Variants in ZNF600 observed in about 807,000 individuals in gnomAD.
The protein encoded by ZNF600 is zinc finger protein KR-ZNF1.
A neutral mutation model predicts 7.3 loss-of-function variants in ZNF600; 4 were observed. The observed-to-expected ratio is 0.55, with a 90% confidence interval of 0.27 to 1.25. ZNF600 has a LOEUF of 1.25. Ranked by LOEUF, ZNF600 falls within the 50% of genes most tolerant of loss-of-function variation. ZNF600 has a pLI of 0.12. For missense variants in ZNF600, 911 were observed against 922.1 expected (o/e 0.99, Z 0.16); for synonymous variants, 290 against 308.9 (o/e 0.94, Z 0.64).
chr19:52,820,467 A>G, the ZNF600 span, among the ~76,000 whole-genome samples: 5 of 151,602 alleles, frequency 3.3e-5, no homozygotes, highest in Non-Finnish European at 4.4e-5. Flanking sequence ...ATCGTCCTCA[A>G]TCTCCATAGA....
At chr19:52,777,233 A>C (rs575089115) in intron 2 of ZNF600, among the ~76,000 whole-genome samples, 3 of 152,074 alleles carry the variant, frequency 2.0e-5, no homozygotes, top group African/African-American at 4.8e-5. Context: ...AAAAAATTAA[A>C]CAGGCGAGGC....
At chr19:52,825,426 G>C in the ZNF600 span, among the ~76,000 whole-genome samples, 1 of 152,040 alleles carries the variant, frequency 6.6e-6, no homozygotes, top group Non-Finnish European at 1.5e-5. Context: ...TGTAATCCCA[G>C]TACTTGGGAG....
intron 3 of ZNF600, among the ~76,000 whole-genome samples, chr19:52,771,502 C>A (rs2062629976): frequency 6.6e-6 from 1 of 151,872 alleles, no homozygotes; most frequent in Admixed American, 6.6e-5. Flanking sequence ...GAAACAGAGT[C>A]TCACTCTGTC....
chr19:52,801,642 G>A, the ZNF600 span: 12 of 1,613,388 alleles, frequency 7.4e-6, no homozygotes, highest in East Asian at 2.2e-5. Flanking sequence ...TGTGTGGAAC[G>A]CTTCTGTATT....
the ZNF600 span, chr19:52,807,951 C>T: frequency 6.2e-7 from 1 of 1,609,340 alleles, no homozygotes; most frequent in Non-Finnish European, 8.5e-7. Flanking sequence ...TCCCAAGAGG[C>T]AACAAGAGAA....
At chr19:52,767,632 G>A (rs2062598075) in exon 4 of ZNF600, 1 of 1,613,986 alleles carries the variant, frequency 6.2e-7, no homozygotes, top group Non-Finnish European at 8.5e-7. Flanking sequence ...TCAATATCAT[G>A]AATTTCTTTC....
intron 1 of ZNF600, among the ~76,000 whole-genome samples, chr19:52,782,600 G>A (rs1405522478): frequency 6.6e-6 from 1 of 152,110 alleles, no homozygotes; most frequent in African/African-American, 2.4e-5. Context: ...GAGGCCCAGT[G>A]TGATGGCTCA....
the ZNF600 span, chr19:52,800,015 A>G: frequency 6.8e-6 from 11 of 1,614,136 alleles, no homozygotes; most frequent in Non-Finnish European, 9.3e-6. Context: ...TGCCACACTC[A>G]TTACACTTGT....
chr19:52,831,798 C>A, the ZNF600 span, among the ~76,000 whole-genome samples: 1 of 152,004 alleles, frequency 6.6e-6, no homozygotes, highest in African/African-American at 2.4e-5. Flanking sequence ...GCCACTGCTC[C>A]CATCCTAAAT....
the ZNF600 span, among the ~76,000 whole-genome samples, chr19:52,793,277 A>T: frequency 0.12 from 18,307 of 152,132 alleles, 2,161 homozygotes; most frequent in African/African-American, 0.3. Flanking sequence ...TGTCATCAGG[A>T]CTTCCTGAGG....
At chr19:52,813,559 TCTC>T in the ZNF600 span, among the ~76,000 whole-genome samples, 40 of 145,390 alleles carry the variant, frequency 2.8e-4, 6 homozygotes, top group African/African-American at 9.7e-4. Flanking sequence ...CCCTCCGTCT[TCTC>T]CTCACCTTTC....
At chr19:52,827,036 C>T in the ZNF600 span, among the ~76,000 whole-genome samples, 730 of 151,996 alleles carry the variant, frequency 4.8e-3, 1 homozygote, top group Middle Eastern at 0.027. Context: ...ACTATACCAC[C>T]GTACTCCTGC....
chr19:52,812,126 C>A, the ZNF600 span, among the ~76,000 whole-genome samples: 8 of 118,910 alleles, frequency 6.7e-5, no homozygotes, highest in Non-Finnish European at 9.8e-5. Flanking sequence ...CCAGCCGCCC[C>A]GTCCGGGAGG....
rs767337224 is a variant in ZNF600, at chr19:52,767,191, G to A, written c.772C>T (p.Gln258Ter). Reference sequence around the variant, plus strand: ...TTGCCACATACATCACATTTATATTGTTTGTCTCCTAAATGGGGTATCTGG... The same window carrying A: ...TTGCCACATACATCACATTTATATTATTTGTCTCCTAAATGGGGTATCTGG... The change falls in exon 4 of 4, where the codon CAA (glutamine) becomes TAA (stop). Residue 258 changes from glutamine (Q) to a stop codon, truncating the protein, a stop_gained. Coordinates refer to ENST00000648973, the Ensembl canonical transcript of ZNF600. LOFTEE classifies it low-confidence loss of function (END_TRUNC). 5 of 1,614,100 alleles carry A rather than the reference G, an allele frequency of 3.1e-6. No homozygotes were observed. Among genetic ancestry groups the A allele is most frequent in the South Asian group, 2.2e-5 (2 of 91,082 alleles).
exon 4 of ZNF600, chr19:52,765,162 C>T (rs1568621896): frequency 2.3e-6 from 1 of 441,514 alleles, no homozygotes; most frequent in Admixed American, 2.8e-5. Context: ...GCTATACTCA[C>T]TGCATTGGGA....
chr19:52,765,760 A>G (rs777579070), exon 4 of ZNF600: 38 of 1,613,762 alleles, frequency 2.4e-5, no homozygotes, highest in Non-Finnish European at 3.1e-5. Context: ...TTACATTTGT[A>G]TGGTTTCTTT....
At position 52,767,237 on chromosome 19, in the gene ZNF600, A is replaced by T. The variant is rs374126152; in HGVS notation, c.726T>A (p.Cys242Ter). 1.4e-5 allele frequency: 23 copies of T among 1,614,162 alleles called. No individual in the cohort carries two copies. The highest frequency in any genetic ancestry group is 1.9e-5 in the Non-Finnish European group (22 of 1,180,016). ...TCTGGTGTTTCCTTAAGAGTGAGCT[A>T]CAATTAAAGGCTTTGCCACTCTCAT... Residue 242 changes from cysteine (C) to a stop codon, truncating the protein, a stop_gained, in exon 4 of 4, where the codon TGT becomes TGA. Coordinates refer to ENST00000648973, the Ensembl canonical transcript of ZNF600. LOFTEE classifies it low-confidence loss of function (END_TRUNC).
At chr19:52,775,809 C>G (rs575237002) in intron 2 of ZNF600, among the ~76,000 whole-genome samples, 2 of 152,142 alleles carry the variant, frequency 1.3e-5, no homozygotes, top group East Asian at 3.9e-4. Context: ...GAGTTTGAGA[C>G]CAGCTTGGGA....
chr19:52,798,344 C>G, the ZNF600 span: 11 of 334,874 alleles, frequency 3.3e-5, no homozygotes, highest in Non-Finnish European at 6.4e-5. Flanking sequence ...AATGCTTAAA[C>G]TCAATGTTAA....
Sources: allele counts gnomAD v4.1 joint callset (sites outside exome capture counted in the v4.1 genomes callset), GRCh38; gene constraint gnomAD v4.1.1; transcripts MANE v1.5; gene names NCBI Gene and HGNC (gene_info 2026-07-23, HGNC 2026-07-21).